TMEM163: variants seen among roughly 807,000 people sequenced by gnomAD.
TMEM163 encodes transmembrane protein 163.
In TMEM163, 17 loss-of-function variants were observed where a neutral mutation model predicts 29.3. The observed-to-expected ratio is 0.58, with a 90% CI of 0.40 to 0.87. The LOEUF (loss-of-function observed/expected upper bound fraction) is 0.87. Ranked by LOEUF, TMEM163 falls within the 40% of genes least tolerant of loss-of-function variation. TMEM163 has a pLI of 0.00. For missense variants in TMEM163, 303 were observed against 381.5 expected (o/e 0.79, Z 1.71); for synonymous variants, 157 against 160.6 (o/e 0.98, Z 0.17).
At chr2:134,502,857 C>T (rs1360558694) in intron 5 of TMEM163, 44 bp downstream of exon 5, 2 of 1,583,430 alleles carry the variant, frequency 1.3e-6, no homozygotes, top group African/African-American at 2.7e-5. Flanking sequence ...CCCAGGGGGC[C>T]AGCGCTGGCA....
intron 2 of TMEM163, among the ~76,000 whole-genome samples, chr2:134,674,408 A>G (rs1001528928): frequency 2.0e-5 from 3 of 148,278 alleles, no homozygotes; most frequent in Non-Finnish European, 4.5e-5. Context: ...CAGTAGCACA[A>G]TCTCAGCTCA....
At chr2:134,566,280 G>A (rs897264473) in intron 2 of TMEM163, among the ~76,000 whole-genome samples, 1 of 152,082 alleles carries the variant, frequency 6.6e-6, no homozygotes, top group Non-Finnish European at 1.5e-5. Context: ...TTTTACAATG[G>A]CAGATATAAA....
At chr2:134,543,771 A>G (rs921953085) in intron 4 of TMEM163, among the ~76,000 whole-genome samples, 1 of 152,236 alleles carries the variant, frequency 6.6e-6, no homozygotes, top group Non-Finnish European at 1.5e-5. Context: ...AAGAACGCAC[A>G]GCAAGCAGCC....
chr2:134,539,851 C>T (rs1680627143), intron 4 of TMEM163, among the ~76,000 whole-genome samples: 1 of 152,206 alleles, frequency 6.6e-6, no homozygotes, highest in Admixed American at 6.5e-5. Context: ...CACAGGACAT[C>T]TGAGAAGGGA....
intron 2 of TMEM163, among the ~76,000 whole-genome samples, chr2:134,637,225 T>C (rs1683124363): frequency 6.6e-6 from 1 of 152,184 alleles, no homozygotes; most frequent in Non-Finnish European, 1.5e-5. Context: ...AGTTGGCACA[T>C]TCTCCCCACG....
At chr2:134,527,565 C>T (rs1299268290) in intron 4 of TMEM163, among the ~76,000 whole-genome samples, 1 of 152,168 alleles carries the variant, frequency 6.6e-6, no homozygotes, top group African/African-American at 2.4e-5. Flanking sequence ...AAGGGCTTTA[C>T]AATTTCCAGA....
intron 5 of TMEM163, among the ~76,000 whole-genome samples, chr2:134,497,474 G>A (rs182012833): frequency 2.6e-4 from 39 of 152,268 alleles, no homozygotes; most frequent in African/African-American, 9.1e-4. Context: ...GCAAGGTGAA[G>A]AGGTCATGGT....
rs1014369094 is a variant in TMEM163 at position 134,522,082 on chromosome 2, A to G, written c.459-19085T>C. ...AAGCATGCCCTGAGGCACCTGTTAT[A>G]CTGCCCCATCCTAGATCCGTGGAGA... On this transcript the variant is annotated intron_variant, in intron 4 of 7. Transcript: ENST00000281924. 3.6e-4 allele frequency among the ~76,000 whole-genome samples: 55 copies of G among 152,142 alleles called. No homozygotes were observed. The Middle Eastern group carries it at 0.01, about 28-fold the overall frequency.
At position 134,652,062 on chromosome 2, in the gene TMEM163, T is replaced by C. The variant is rs1328411240; in HGVS notation, c.322+61138A>G. Among the ~76,000 whole-genome samples, 8 of 141,008 alleles carry C rather than the reference T, an allele frequency of 5.7e-5. 1 individual carries two copies. The highest frequency in any genetic ancestry group is 2.1e-4 in the African/African-American group (7 of 33,794). The allele number at this position is 141,008 out of a possible 152,430, so 92.5% of individuals were successfully genotyped here. A position where few individuals can be genotyped will look rare whatever the true frequency, so the allele number is the denominator to read the frequency against. On this transcript the variant is annotated intron_variant, in intron 2 of 7. Coordinates refer to ENST00000281924, the MANE Select transcript of TMEM163 (RefSeq NM_030923.5). ...TGGTTCCATATGAACTTTAGAGTAG[T>C]TTTTTCCAATTCTGTGAGGAAAGTC... is the stretch of plus-strand genomic sequence containing the variant.
chr2:134,701,636 G>A (rs545790359), intron 2 of TMEM163, among the ~76,000 whole-genome samples: 1 of 152,174 alleles, frequency 6.6e-6, no homozygotes, highest in Non-Finnish European at 1.5e-5. Flanking sequence ...CAGGCCAGGC[G>A]CAGTGGCTCA....
intron 4 of TMEM163, among the ~76,000 whole-genome samples, chr2:134,531,216 G>A (rs935094324): frequency 1.8e-4 from 27 of 152,190 alleles, no homozygotes; most frequent in African/African-American, 5.3e-4. Context: ...GACAGAGGCC[G>A]ACGAAGGCGA....
intron 2 of TMEM163, among the ~76,000 whole-genome samples, chr2:134,658,479 G>C (rs780487716): frequency 1.3e-5 from 2 of 152,098 alleles, no homozygotes; most frequent in Admixed American, 6.5e-5. Flanking sequence ...GTGTTGTTCT[G>C]AGTATTGGTA....
intron 6 of TMEM163, among the ~76,000 whole-genome samples, chr2:134,465,873 G>A (rs1253382524): frequency 1.3e-5 from 2 of 152,182 alleles, no homozygotes; most frequent in African/African-American, 4.8e-5. Flanking sequence ...AAGCCTCCCT[G>A]CTAGGAGGTC....
At chr2:134,464,729 C>G (rs1012115790) in intron 6 of TMEM163, among the ~76,000 whole-genome samples, 4 of 152,114 alleles carry the variant, frequency 2.6e-5, no homozygotes, top group African/African-American at 9.7e-5. Flanking sequence ...ACACCCCCAC[C>G]CTCACCCCCT....
intron 4 of TMEM163, among the ~76,000 whole-genome samples, chr2:134,542,023 C>T (rs1173890411): frequency 6.6e-6 from 1 of 152,254 alleles, no homozygotes; most frequent in African/African-American, 2.4e-5. Context: ...TTTATCCCCT[C>T]ACTACATGAC....
chr2:134,580,157 C>T (rs534646648), intron 2 of TMEM163, among the ~76,000 whole-genome samples: 96 of 152,206 alleles, frequency 6.3e-4, no homozygotes, highest in African/African-American at 2.1e-3. Flanking sequence ...TAAATTGAGA[C>T]GATGTATTTT....
chr2:134,601,027 C>A (rs1682217953), intron 2 of TMEM163, among the ~76,000 whole-genome samples: 1 of 152,228 alleles, frequency 6.6e-6, no homozygotes, highest in Non-Finnish European at 1.5e-5. Context: ...AACATACACA[C>A]ACACGCATGT....
intron 2 of TMEM163, among the ~76,000 whole-genome samples, chr2:134,579,486 A>G (rs1681642083): frequency 6.6e-6 from 1 of 152,238 alleles, no homozygotes; most frequent in Non-Finnish European, 1.5e-5. Flanking sequence ...CACTGTCCAA[A>G]TGAACAGACT....
At chr2:134,563,390 T>A (rs1310131685) in intron 2 of TMEM163, among the ~76,000 whole-genome samples, 2 of 152,166 alleles carry the variant, frequency 1.3e-5, no homozygotes, top group Non-Finnish European at 2.9e-5. Flanking sequence ...GCAGACAGAA[T>A]AGGGGAACTA....
Sources: allele counts gnomAD v4.1 joint callset (sites outside exome capture counted in the v4.1 genomes callset), GRCh38; gene constraint gnomAD v4.1.1; transcripts MANE v1.5; gene names NCBI Gene and HGNC (gene_info 2026-07-23, HGNC 2026-07-21).